The following CACNA1A variants were observed in gnomAD, a reference collection of about 807,000 sequenced individuals.
CACNA1A encodes the protein calcium voltage-gated channel subunit alpha1 A.
Under a neutral mutation model 262.4 loss-of-function variants are expected in CACNA1A, and 57 were observed. That is an observed-to-expected ratio of 0.22 (90% CI 0.18 to 0.27). The LOEUF (loss-of-function observed/expected upper bound fraction) is 0.27. Ranked by LOEUF, CACNA1A falls within the 10% of genes least tolerant of loss-of-function variation. The pLI, the probability that CACNA1A is intolerant of heterozygous loss-of-function variation, is 1.00. For missense variants in CACNA1A, 2,526 were observed against 3,562.8 expected, an observed-to-expected ratio of 0.71 and a Z score of 7.41; for synonymous variants, 1,431 against 1,419.3, an observed-to-expected ratio of 1.01 and a Z score of -0.18.
chr19:13,310,937 T>C (rs1275823912), intron 12 of CACNA1A, among the ~76,000 whole-genome samples: 1 of 151,994 alleles, frequency 6.6e-6, no homozygotes, highest in Non-Finnish European at 1.5e-5. Flanking sequence ...ATTACAGGCA[T>C]GTGCCACGAC....
At chr19:13,327,372 T>A (rs989325979) in intron 10 of CACNA1A, among the ~76,000 whole-genome samples, 1 of 151,474 alleles carries the variant, frequency 6.6e-6, no homozygotes, top group African/African-American at 2.4e-5. Context: ...CAAACGTGGC[T>A]ATGAAAGAAC....
chr19:13,235,764 C>G (rs774304456), intron 31 of CACNA1A, 34 bp from the exon 32 acceptor site: 10 of 1,499,062 alleles, frequency 6.7e-6, no homozygotes, highest in Non-Finnish European at 9.3e-6. Flanking sequence ...TGACCATCCA[C>G]CCACCCCAAA....
Position 13,321,077 on chromosome 19 carries a change from G to A in CACNA1A, c.1346-3756C>T, listed in dbSNP as rs572376077. Among the ~76,000 whole-genome samples, 8 of 147,096 alleles carry A rather than the reference G, an allele frequency of 5.4e-5. No homozygotes were observed. In the East Asian group the frequency reaches 1.2e-3, roughly 22 times the overall value. ...GAGATAGAGTCTCATTCTGTCACCC[G>A]GGCTGGAGTGCAGTGGCACGATCTT... On this transcript the variant is annotated intron_variant, in intron 10 of 46. Coordinates refer to ENST00000360228, the MANE Select transcript of CACNA1A (RefSeq NM_001127222.2).
intron 1 of CACNA1A, among the ~76,000 whole-genome samples, chr19:13,470,505 T>G (rs1048563981): frequency 3.3e-5 from 5 of 152,240 alleles, no homozygotes; most frequent in African/African-American, 1.2e-4. Context: ...CTCTAAATGT[T>G]GGTCTTCCCT....
chr19:13,298,885 C>G lies in CACNA1A; in HGVS notation c.2748G>C (p.Trp916Cys). Reference sequence around the variant, plus strand: ...CCTTGCCTCGCTCGGCCTCGCCCTCCCAGAACCCGGGTTGCTCCAGGCTGC... The same window carrying G: ...CCTTGCCTCGCTCGGCCTCGCCCTCGCAGAACCCGGGTTGCTCCAGGCTGC... ...REGSLEQPGFWEGEAERGKAG... is the reference protein window; with the variant it reads ...REGSLEQPGFCEGEAERGKAG... Residue 916 changes from tryptophan (W) to cysteine (C), a missense_variant, in exon 19 of 47, where the codon TGG becomes TGC. Trp to Cys is a radical substitution (Grantham distance 215). Around this residue, in one of 17 missense-constraint regions of CACNA1A, gnomAD observed 765 missense variants for 748.6 expected, o/e 1.02. Coordinates refer to ENST00000360228, the MANE Select transcript of CACNA1A (RefSeq NM_001127222.2). 1 of 1,593,984 alleles carries G rather than the reference C, an allele frequency of 6.3e-7. No individual in the cohort carries two copies. Among genetic ancestry groups the G allele is most frequent in the Non-Finnish European group, 8.5e-7 (1 of 1,177,696 alleles).
At chr19:13,218,258 T>G (rs974836248) in intron 38 of CACNA1A, among the ~76,000 whole-genome samples, 3 of 152,150 alleles carry the variant, frequency 2.0e-5, no homozygotes, top group Non-Finnish European at 4.4e-5. Context: ...GCCTGGATAA[T>G]TTTCCATACA....
chr19:13,499,777 T>C (rs1982149806), intron 1 of CACNA1A, among the ~76,000 whole-genome samples: 1 of 152,166 alleles, frequency 6.6e-6, no homozygotes, highest in Non-Finnish European at 1.5e-5. Flanking sequence ...CCCTCTCCTC[T>C]CTGCCCTCTT....
At position 13,354,540 on chromosome 19, in the gene CACNA1A, A is replaced by G. The variant is rs528005426; in HGVS notation, c.978+5066T>C. Among the ~76,000 whole-genome samples, 18 of 152,294 alleles carry G rather than the reference A, an allele frequency of 1.2e-4. No homozygotes were observed. In the East Asian group the frequency reaches 3.5e-3, roughly 29 times the overall value. On this transcript the variant is annotated intron_variant, in intron 6 of 46. Coordinates refer to ENST00000360228, the MANE Select transcript of CACNA1A (RefSeq NM_001127222.2). ...GGCACCTTAGCCCCTGCACCCTGGC[A>G]TTGACAGACGCTACTCGTTGTTTTA...
At chr19:13,262,705 C>G (rs574706114) in intron 25 of CACNA1A, 29 bp downstream of exon 25, 24 of 1,407,112 alleles carry the variant, frequency 1.7e-5, no homozygotes, top group East Asian at 1.1e-4. Context: ...CAGTCCCCCC[C>G]ACCGCACCCC....
At chr19:13,478,324 G>A (rs531827052) in intron 1 of CACNA1A, among the ~76,000 whole-genome samples, 1 of 152,212 alleles carries the variant, frequency 6.6e-6, no homozygotes, top group East Asian at 1.9e-4. Context: ...TATTGTTGTT[G>A]TTGCTGTCAT....
intron 24 of CACNA1A, among the ~76,000 whole-genome samples, chr19:13,266,105 A>C (rs927427196): frequency 1.8e-4 from 28 of 152,138 alleles, no homozygotes; most frequent in Non-Finnish European, 1.0e-4. Flanking sequence ...CGGCCTCCCA[A>C]AGTGCTGGGA....
chr19:13,389,007 A>G (rs2059667134), intron 3 of CACNA1A, among the ~76,000 whole-genome samples: 1 of 151,998 alleles, frequency 6.6e-6, no homozygotes, highest in Non-Finnish European at 1.5e-5. Context: ...GGTTCAAGCG[A>G]TTCTCTTGCC....
At chr19:13,231,463 G>T (rs1258071235) in intron 35 of CACNA1A, among the ~76,000 whole-genome samples, 1 of 152,112 alleles carries the variant, frequency 6.6e-6, no homozygotes, top group African/African-American at 2.4e-5. Flanking sequence ...GCATCTGGTG[G>T]GGGGAGGACA....
intron 10 of CACNA1A, 110 bp from the exon 11 acceptor site, chr19:13,317,431 A>G: frequency 1.1e-6 from 1 of 873,280 alleles, no homozygotes; most frequent in Non-Finnish European, 1.8e-6. Context: ...TAGTCTCTCC[A>G]GCAAGCCTCT....
chr19:13,430,702 T>TC (rs1487531240), intron 3 of CACNA1A, among the ~76,000 whole-genome samples: 1 of 152,084 alleles, frequency 6.6e-6, no homozygotes, highest in African/African-American at 2.4e-5. Context: ...CAGACAGAAG[T>TC]CCCTGCCCTC....
At chr19:13,337,650 C>G (rs2058599142) in intron 6 of CACNA1A, among the ~76,000 whole-genome samples, 1 of 152,038 alleles carries the variant, frequency 6.6e-6, no homozygotes, top group Non-Finnish European at 1.5e-5. Flanking sequence ...ACAATAAAAC[C>G]CATAACACAT....
chr19:13,498,696 TAA>T (rs934379809), intron 1 of CACNA1A, among the ~76,000 whole-genome samples: 7 of 152,232 alleles, frequency 4.6e-5, no homozygotes, highest in African/African-American at 1.7e-4. Context: ...AGACGGCTTC[TAA>T]AAGCTGCATT....
chr19:13,506,142 C>T lies in CACNA1A; in HGVS notation c.83G>A (p.Gly28Glu). 6.3e-7 allele frequency: 1 copy of T among 1,584,494 alleles called. No individual in the cohort carries two copies. Among genetic ancestry groups the T allele is most frequent in the Non-Finnish European group, 8.6e-7 (1 of 1,165,278 alleles). Residue 28 changes from glycine (G) to glutamate (E), a missense_variant, in exon 1 of 47, where the codon GGA (glycine) becomes GAA (glutamate). Gly to Glu is a moderately conservative substitution (Grantham distance 98). Transcript: ENST00000360228. Reference sequence around the variant, plus strand: ...GCTGCCCCCGGCTCCTCGCCCGCCTCCGCTGCCCACGACCACCCCGGCGGC... The same window carrying T: ...GCTGCCCCCGGCTCCTCGCCCGCCTTCGCTGCCCACGACCACCCCGGCGGC... The part of the protein sequence containing the change: ...GAAAGVVVGS[G>E]GGRGAGGSRQ...
intron 6 of CACNA1A, among the ~76,000 whole-genome samples, chr19:13,349,027 A>G (rs201987725): frequency 7.3e-5 from 10 of 137,814 alleles, no homozygotes; most frequent in East Asian, 2.3e-4. Flanking sequence ...AAAAAAAAAA[A>G]AGAGAGACAA....
Sources: allele counts gnomAD v4.1 joint callset (sites outside exome capture counted in the v4.1 genomes callset), GRCh38; gene constraint gnomAD v4.1.1; regional missense constraint gnomAD v4.1.1; transcripts MANE v1.5; gene names NCBI Gene and HGNC (gene_info 2026-07-23, HGNC 2026-07-21).